Variants in C16orf96 observed in about 807,000 individuals in gnomAD.
C16orf96 encodes uncharacterized protein C16orf96.
Under a neutral mutation model 103.6 loss-of-function variants are expected in C16orf96, and 108 were observed. The observed-to-expected ratio is 1.04, with a 90% CI of 0.89 to 1.22. C16orf96 has a LOEUF of 1.22. C16orf96 is among the 50% of genes most tolerant of loss of function. The probability of loss-of-function intolerance (pLI) is 0.00; values close to 1 mark genes in which losing one functional copy is unlikely to be tolerated. For missense variants in C16orf96, 1,586 were observed against 1,464.2 expected (o/e 1.08, Z -1.36); for synonymous variants, 566 against 593.5 (o/e 0.95, Z 0.67).
intron 1 of C16orf96, among the ~76,000 whole-genome samples, chr16:4,559,535 A>G (rs2059305246): frequency 6.9e-6 from 1 of 145,766 alleles, no homozygotes; most frequent in Admixed American, 7.2e-5. Flanking sequence ...TGGGCAACAG[A>G]GCAAGACTCC....
At chr16:4,548,839 C>T in the C16orf96 span, among the ~76,000 whole-genome samples, 1 of 147,724 alleles carries the variant, frequency 6.8e-6, no homozygotes, top group Admixed American at 6.9e-5. Flanking sequence ...CAATGTCACG[C>T]CATTGCACTC....
At position 4,563,789 on chromosome 16, in the gene C16orf96, G is replaced by A. The variant is rs1359573411; in HGVS notation, c.420+6880G>A. Reference sequence around the variant, plus strand: ...TCACCATGTTGGCCAGGCTGGTCTTGAACTCCCGAGCTCAGGTGATCCACC... The same window carrying A: ...TCACCATGTTGGCCAGGCTGGTCTTAAACTCCCGAGCTCAGGTGATCCACC... On this transcript the variant is annotated intron_variant, in intron 1 of 15. Transcript: ENST00000444310. Among the ~76,000 whole-genome samples, 3 of 149,164 alleles carry A rather than the reference G, an allele frequency of 2.0e-5. No homozygotes were observed. In the East Asian group the frequency reaches 6.1e-4, roughly 31 times the overall value.
Position 4,556,366 on chromosome 16 carries a change from G to T in C16orf96, c.-124G>T, listed in dbSNP as rs2059262102. On this transcript the variant is annotated 5_prime_UTR_variant, in exon 1 of 16. Coordinates refer to ENST00000444310, the MANE Select transcript of C16orf96 (RefSeq NM_001145011.2). ...GAACAGAGGCCATTCCTCCCTGACT[G>T]CTGTGACTCACCACCACCCCAGGCC... 3.1e-6 allele frequency: 3 copies of T among 965,680 alleles called. No homozygotes were observed. The highest frequency in any genetic ancestry group is 5.3e-5 in the East Asian group (2 of 37,706). The allele number at this position is 965,680 out of a possible 1,614,324, so 59.8% of individuals were successfully genotyped here. A position where few individuals can be genotyped will look rare whatever the true frequency, so the allele number is the denominator to read the frequency against.
chr16:4,549,471 T>TAAA, the C16orf96 span, among the ~76,000 whole-genome samples: 21 of 96,616 alleles, frequency 2.2e-4, no homozygotes, highest in African/African-American at 6.4e-4. Context: ...AGACTCTGTC[T>TAAA]AAAAAAAAAA....
Position 4,579,631 on chromosome 16 carries a change from A to T in C16orf96, c.2242-384A>T, listed in dbSNP as rs1335738839. On this transcript the variant is annotated intron_variant, in intron 6 of 15. Transcript: ENST00000444310. Reference sequence around the variant, plus strand: ...GATACCTTATTTTTTTTTTTTTTTGAGACGGAATCTTGCTCTGTCATCCAG... The same window carrying T: ...GATACCTTATTTTTTTTTTTTTTTGTGACGGAATCTTGCTCTGTCATCCAG... 2.3e-3 allele frequency among the ~76,000 whole-genome samples: 238 copies of T among 103,248 alleles called. 3 individuals are homozygous for T. Among genetic ancestry groups the T allele is most frequent in the African/African-American group, 8.2e-3 (231 of 28,038 alleles). The allele number at this position is 103,248 out of a possible 152,430, so 67.7% of individuals were successfully genotyped here. A position where few individuals can be genotyped will look rare whatever the true frequency, so the allele number is the denominator to read the frequency against.
At chr16:4,591,870 T>A in intron 10 of C16orf96, 86 bp downstream of exon 10, 1 of 1,076,642 alleles carries the variant, frequency 9.3e-7, no homozygotes, top group South Asian at 1.4e-5. Context: ...GGAGGAAAGA[T>A]TCCAGACCTT....
chr16:4,575,835 C>A lies in C16orf96; in HGVS notation c.1355C>A (p.Ala452Glu). Residue 452 changes from alanine to glutamate, a missense_variant, in exon 5 of 16, where the codon GCA (alanine) becomes GAA (glutamate). Ala to Glu is a moderately radical substitution (Grantham distance 107). Coordinates refer to ENST00000444310, the MANE Select transcript of C16orf96 (RefSeq NM_001145011.2). ...CGCCAGGGAGAAGCCCTCCAGCTCG[C>A]AGCTGTCCAAGTAAAGGGGGAGGAA... Reference protein sequence around the residue: ...QSRQGEALQLAAVQVKGEEND... With the variant: ...QSRQGEALQLEAVQVKGEEND... The A allele has an allele frequency of 6.4e-7, 1 of 1,551,260 alleles. No homozygotes were observed.
chr16:4,575,062 A>C lies in C16orf96; in HGVS notation c.693+4A>C. On this transcript the variant is annotated splice_donor_region_variant and intron_variant, in intron 4 of 15. Coordinates refer to ENST00000444310, the MANE Select transcript of C16orf96 (RefSeq NM_001145011.2). The stretch of plus-strand genomic sequence containing the variant: ...TCATGATGCCATGTTCACCTCAGTG[A>C]GTGAGGAAGGAAGGGGAGGTTAGCA... The C allele has an allele frequency of 1.9e-6, 3 of 1,551,354 alleles. No individual in the cohort carries two copies. The highest frequency in any genetic ancestry group is 2.6e-6 in the Non-Finnish European group (3 of 1,146,974).
At position 4,593,466 on chromosome 16, in the gene C16orf96, C is replaced by G. The variant is rs1268590766; in HGVS notation, c.2867+150C>G. 2.7e-6 allele frequency: 2 copies of G among 731,648 alleles called. No homozygotes were observed. Among genetic ancestry groups the G allele is most frequent in the Non-Finnish European group, 4.5e-6 (2 of 447,094 alleles). The allele number at this position is 731,648 out of a possible 1,614,324, so 45.3% of individuals were successfully genotyped here. ...CCAGCCCTTCGCAAGACAGGCACTC[C>G]GAGAGGTGGCTGGGGCGGCAGACAG... On this transcript the variant is annotated intron_variant, in intron 12 of 15. Transcript: ENST00000444310. This position sits in a 1 kb window ranked among gnomAD's most constrained non-coding sequence, Gnocchi z 4.2.
At chr16:4,568,682 G>T (rs1318501490) in intron 1 of C16orf96, among the ~76,000 whole-genome samples, 5 of 149,222 alleles carry the variant, frequency 3.4e-5, no homozygotes, top group African/African-American at 1.2e-4. Flanking sequence ...AAGCTGGAGG[G>T]CAGTAGTGCA....
At chr16:4,550,842 G>A in the C16orf96 span, among the ~76,000 whole-genome samples, 1 of 151,562 alleles carries the variant, frequency 6.6e-6, no homozygotes, top group East Asian at 1.9e-4. Flanking sequence ...ATTTTTTTTT[G>A]CAAAAATCTT....
rs1275133421 is a variant in C16orf96, at chr16:4,600,352, C to T, written c.*35C>T. The T allele has an allele frequency of 6.9e-7, 1 of 1,455,106 alleles. No homozygotes were observed. The highest frequency in any genetic ancestry group is 1.2e-5 in the South Asian group (1 of 81,990). 90.1% of individuals were successfully genotyped at this position (1,455,106 alleles called of 1,614,324 possible). ...CGCTGCGCCCCCCATCGCCAAGTCC[C>T]CTCCACGTCCGAGGCTGAGGCCCAT... On this transcript the variant is annotated 3_prime_UTR_variant, in exon 16 of 16. Transcript: ENST00000444310.
rs1244434387 is a variant in C16orf96 at position 4,588,219 on chromosome 16, C to A, written c.2480C>A (p.Thr827Asn). The change falls in exon 9 of 16, where the codon ACT (threonine) becomes AAT (asparagine). Residue 827 changes from threonine to asparagine, a missense_variant. Transcript: ENST00000444310. ...AAGGCAAGCCGCGTTGACCTGGAGA[C>A]TGTGGCCTTGGAGCTGAACGAGATG... ...AGKASRVDLE[T>N]VALELNEMIQ... is the part of the protein sequence containing the mutation. The A allele has an allele frequency of 9.7e-6, 15 of 1,551,584 alleles. No individual in the cohort carries two copies. The highest frequency in any genetic ancestry group is 1.3e-5 in the Non-Finnish European group (15 of 1,147,006).
intron 1 of C16orf96, among the ~76,000 whole-genome samples, chr16:4,564,771 G>A (rs756083319): frequency 9.2e-5 from 14 of 152,038 alleles, no homozygotes; most frequent in African/African-American, 1.2e-4. Flanking sequence ...AGATCGCGCC[G>A]CTGCACTCCA....
In C16orf96 at chr16:4,593,384, T is replaced by A; in HGVS notation, c.2867+68T>A. On this transcript the variant is annotated intron_variant, in intron 12 of 15. Coordinates refer to ENST00000444310, the MANE Select transcript of C16orf96 (RefSeq NM_001145011.2). The surrounding 1 kb of genome is among the most constrained non-coding windows in gnomAD (Gnocchi z 4.2). ...AGGCCACTCTGGAGCCTGGGAACCCTGTTCCTGCAGAGACACATCCTCCAG... is the reference window on the plus strand; with the variant it reads ...AGGCCACTCTGGAGCCTGGGAACCCAGTTCCTGCAGAGACACATCCTCCAG... The A allele has an allele frequency of 1.4e-6, 2 of 1,418,522 alleles. No homozygotes were observed. The highest frequency in any genetic ancestry group is 1.9e-6 in the Non-Finnish European group (2 of 1,036,032). The allele number at this position is 1,418,522 out of a possible 1,614,324, so 87.9% of individuals were successfully genotyped here. A position where few individuals can be genotyped will look rare whatever the true frequency, so the allele number is the denominator to read the frequency against.
chr16:4,556,404 T>G lies in C16orf96; in HGVS notation c.-86T>G, dbSNP rs2059262500. 1 of 1,372,534 alleles carries G rather than the reference T, an allele frequency of 7.3e-7. No homozygotes were observed. Among genetic ancestry groups the G allele is most frequent in the Non-Finnish European group, 9.7e-7 (1 of 1,030,428 alleles). The allele number at this position is 1,372,534 out of a possible 1,614,324, so 85.0% of individuals were successfully genotyped here. A position where few individuals can be genotyped will look rare whatever the true frequency, so the allele number is the denominator to read the frequency against. On this transcript the variant is annotated 5_prime_UTR_variant, in exon 1 of 16. Coordinates refer to ENST00000444310, the MANE Select transcript of C16orf96 (RefSeq NM_001145011.2). ...ACCACCCCAGGCCTCTGAGGACCAG[T>G]CCATGTAGCTCTCGGAACCACTGAA... is the stretch of plus-strand genomic sequence containing the variant.
At position 4,571,675 on chromosome 16, in the gene C16orf96, C is replaced by T. The variant is rs891621416; in HGVS notation, c.525+10C>T. 2.6e-6 allele frequency: 4 copies of T among 1,548,122 alleles called. No individual in the cohort carries two copies. Among genetic ancestry groups the T allele is most frequent in the Non-Finnish European group, 3.5e-6 (4 of 1,144,330 alleles). On this transcript the variant is annotated intron_variant, in intron 2 of 15. Transcript: ENST00000444310. ...GAACATGCTTGACAAGGTAGGCCCT[C>T]CCCCAGCATCCTCCATGCCAGCTGC...
At chr16:4,549,397 T>C in the C16orf96 span, among the ~76,000 whole-genome samples, 68 of 145,820 alleles carry the variant, frequency 4.7e-4, no homozygotes, top group African/African-American at 1.7e-3. Context: ...GGCGTGAACC[T>C]GGGAGGCGGA....
chr16:4,568,629 ATTTT>A (rs34974380), intron 1 of C16orf96, among the ~76,000 whole-genome samples: 1 of 125,568 alleles, frequency 8.0e-6, no homozygotes, highest in Non-Finnish European at 1.6e-5. Flanking sequence ...TTTCTTTTTA[ATTTT>A]TTTTTTTTTT....
Sources: gnomAD v4.1 joint callset for allele counts (sites outside exome capture counted in the v4.1 genomes callset) on GRCh38, gnomAD v4.1.1 for gene constraint, Gnocchi (gnomAD v3.1) non-coding constraint, MANE v1.5 for transcripts, NCBI Gene and HGNC (gene_info 2026-07-23, HGNC 2026-07-21) for gene names.